The following GRM8 variants were observed in gnomAD, a reference collection of about 807,000 sequenced individuals.
GRM8 encodes the protein metabotropic glutamate receptor 8.
A neutral mutation model predicts 87.2 loss-of-function variants in GRM8; 47 were observed. That is an observed-to-expected ratio of 0.54 (90% CI 0.43 to 0.69). The LOEUF (loss-of-function observed/expected upper bound fraction) is 0.69. Ranked by LOEUF, GRM8 falls within the 30% of genes least tolerant of loss-of-function variation. The probability of loss-of-function intolerance (pLI) is 0.00; values close to 1 mark genes in which losing one functional copy is unlikely to be tolerated. For missense variants in GRM8, 1,019 were observed against 1,139.2 expected (o/e 0.89, Z 1.52); for synonymous variants, 396 against 404.5 (o/e 0.98, Z 0.25).
At chr7:126,986,490 A>AATTTT in intron 3 of GRM8, among the ~76,000 whole-genome samples, 1 of 152,342 alleles carries the variant, frequency 6.6e-6, no homozygotes, top group Middle Eastern at 3.4e-3. Context: ...AATTATTTTT[A>AATTTT]CTTTTCTTTT....
chr7:126,921,395 CA>C (rs377024676), intron 3 of GRM8, among the ~76,000 whole-genome samples: 9 of 151,838 alleles, frequency 5.9e-5, no homozygotes, highest in Admixed American at 2.6e-4. Context: ...TTGAAATCCC[CA>C]AAAGAGAAAA....
chr7:126,461,750 A>C (rs1226570101), intron 9 of GRM8, among the ~76,000 whole-genome samples: 1 of 151,592 alleles, frequency 6.6e-6, no homozygotes, highest in African/African-American at 2.4e-5. Flanking sequence ...TGAATTCTAC[A>C]TCTCATTCTC....
chr7:127,046,640 AAG>A (rs1436869151), intron 3 of GRM8, among the ~76,000 whole-genome samples: 1 of 152,212 alleles, frequency 6.6e-6, no homozygotes, highest in Non-Finnish European at 1.5e-5. Context: ...TTATTATTAA[AAG>A]AATATTAATT....
intron 9 of GRM8, among the ~76,000 whole-genome samples, chr7:126,471,389 A>C (rs1805204886): frequency 6.6e-6 from 1 of 152,120 alleles, no homozygotes; most frequent in Admixed American, 6.5e-5. Flanking sequence ...GAAGGGATCC[A>C]GTTTCAGCTT....
At chr7:127,219,711 C>A (rs1796795891) in intron 2 of GRM8, 1 of 152,280 alleles carries the variant, frequency 6.6e-6, no homozygotes, top group Admixed American at 6.5e-5. Flanking sequence ...AAGTAAGTTC[C>A]TATTTATGAC....
intron 3 of GRM8, among the ~76,000 whole-genome samples, chr7:126,969,801 C>A (rs1327661781): frequency 6.6e-6 from 1 of 152,118 alleles, no homozygotes; most frequent in Non-Finnish European, 1.5e-5. Flanking sequence ...GTATCGCTAT[C>A]TAGGAAACCT....
intron 2 of GRM8, among the ~76,000 whole-genome samples, chr7:127,134,813 T>G (rs1468252279): frequency 2.0e-5 from 3 of 152,122 alleles, no homozygotes; most frequent in Non-Finnish European, 4.4e-5. Flanking sequence ...TTTAGCTAAG[T>G]GAAAAGTCTA....
intron 9 of GRM8, among the ~76,000 whole-genome samples, chr7:126,531,806 T>C (rs1191045455): frequency 6.6e-6 from 1 of 152,204 alleles, no homozygotes; most frequent in Non-Finnish European, 1.5e-5. Flanking sequence ...TTCTGTCCCG[T>C]TGTTGTGGAA....
At position 127,081,143 on chromosome 7, in the gene GRM8, G is replaced by A. The variant is rs138320012; in HGVS notation, c.727+25353C>T. Among the ~76,000 whole-genome samples, 535 of 152,236 alleles carry A rather than the reference G, an allele frequency of 3.5e-3. 4 individuals are homozygous for A. The highest frequency in any genetic ancestry group is 0.012 in the African/African-American group (510 of 41,544). On this transcript the variant is annotated intron_variant, in intron 3 of 10. Coordinates refer to ENST00000339582, the MANE Select transcript of GRM8 (RefSeq NM_000845.3). ...AGACACTTAATCCCTAGAATAGCAC[G>A]AAAGGTCCTTTCTGGGCTAGCCTTT...
At chr7:126,800,364 T>C (rs1430387724) in intron 6 of GRM8, among the ~76,000 whole-genome samples, 2 of 152,132 alleles carry the variant, frequency 1.3e-5, no homozygotes, top group African/African-American at 2.4e-5. Flanking sequence ...CTCACTCCTG[T>C]ACTATGAAAG....
chr7:127,174,566 A>G (rs1319804146), intron 2 of GRM8, among the ~76,000 whole-genome samples: 3 of 152,166 alleles, frequency 2.0e-5, no homozygotes, highest in African/African-American at 7.2e-5. Flanking sequence ...TTGTATTAAT[A>G]TTTCTTAGTC....
At chr7:126,529,699 C>T (rs548162292) in intron 9 of GRM8, among the ~76,000 whole-genome samples, 24 of 152,084 alleles carry the variant, frequency 1.6e-4, no homozygotes, top group Admixed American at 1.3e-3. Flanking sequence ...CTGATTATCT[C>T]GATTTTATGA....
At chr7:126,786,006 G>A (rs1162492586) in intron 6 of GRM8, among the ~76,000 whole-genome samples, 3 of 151,992 alleles carry the variant, frequency 2.0e-5, no homozygotes, top group Admixed American at 2.0e-4. Context: ...CCAGTCTTTT[G>A]AGGTTTTCTG....
chr7:126,944,895 TA>T (rs1807366511), intron 3 of GRM8, among the ~76,000 whole-genome samples: 1 of 152,214 alleles, frequency 6.6e-6, no homozygotes, highest in African/African-American at 2.4e-5. Flanking sequence ...ACTTCAATAA[TA>T]ATCAGAGAAA....
At chr7:127,061,183 T>G (rs2132586191) in intron 3 of GRM8, among the ~76,000 whole-genome samples, 1 of 152,322 alleles carries the variant, frequency 6.6e-6, no homozygotes, top group South Asian at 2.1e-4. Context: ...CTTTATTTAC[T>G]TACATGAATA....
At chr7:126,674,102 C>A (rs966190085) in intron 7 of GRM8, among the ~76,000 whole-genome samples, 5 of 152,164 alleles carry the variant, frequency 3.3e-5, no homozygotes, top group Admixed American at 2.6e-4. Context: ...CATCTCTCAA[C>A]CTGCTGGCCA....
chr7:126,445,007 C>T (rs1801859375), intron 10 of GRM8, among the ~76,000 whole-genome samples: 1 of 149,896 alleles, frequency 6.7e-6, no homozygotes, highest in Admixed American at 6.6e-5. Flanking sequence ...AACAAACAAA[C>T]AAACAAAATT....
chr7:126,788,146 A>C (rs543416340), intron 6 of GRM8, among the ~76,000 whole-genome samples: 1 of 152,144 alleles, frequency 6.6e-6, no homozygotes, highest in South Asian at 2.1e-4. Flanking sequence ...GCGATGGCTC[A>C]TGCTTGTAAT....
chr7:126,617,419 C>G (rs1799624030), intron 7 of GRM8, among the ~76,000 whole-genome samples: 1 of 152,166 alleles, frequency 6.6e-6, no homozygotes, highest in African/African-American at 2.4e-5. Context: ...CAGCCAATAT[C>G]ATACTGAATG....
Sources: gnomAD v4.1 joint callset for allele counts (sites outside exome capture counted in the v4.1 genomes callset) on GRCh38, gnomAD v4.1.1 for gene constraint, MANE v1.5 for transcripts, NCBI Gene and HGNC (gene_info 2026-07-23, HGNC 2026-07-21) for gene names.